The following RTN4 variants were observed in gnomAD, a reference collection of about 807,000 sequenced individuals.
RTN4 encodes reticulon-4.
In RTN4, 32 loss-of-function variants were observed where a neutral mutation model predicts 90.4. The ratio of observed to expected loss-of-function variants is 0.35; its 90% CI spans 0.27 to 0.48. The LOEUF (loss-of-function observed/expected upper bound fraction) is 0.48. Ranked by LOEUF, RTN4 falls within the 20% of genes least tolerant of loss-of-function variation. The pLI, the probability that RTN4 is intolerant of heterozygous loss-of-function variation, is 0.99. For synonymous variants in RTN4, 629 were observed against 552.5 expected, an observed-to-expected ratio of 1.14 and a Z score of -1.94; for missense variants, 1,706 against 1,430.2, an observed-to-expected ratio of 1.19 and a Z score of -3.11.
intron 1 of RTN4, among the ~76,000 whole-genome samples, chr2:55,100,216 G>C (rs1019132607): frequency 3.3e-5 from 5 of 152,062 alleles, no homozygotes; most frequent in African/African-American, 7.3e-5. Flanking sequence ...CAGAAGCCTG[G>C]CTAGGAGTGA....
At chr2:55,130,999 T>G in the RTN4 span, among the ~76,000 whole-genome samples, 2 of 152,186 alleles carry the variant, frequency 1.3e-5, no homozygotes, top group African/African-American at 2.4e-5. Context: ...GGCCCCCATC[T>G]GTCTTCAGTG....
At position 54,987,616 on chromosome 2, in the gene RTN4, T is replaced by C. The variant is rs200331222; in HGVS notation, c.3096A>G (p.Thr1032=). Residue 1032 remains threonine (T), a synonymous_variant, in exon 4 of 9, where the codon ACA becomes ACG. Coordinates refer to ENST00000337526, the MANE Select transcript of RTN4 (RefSeq NM_020532.5). ...CTGTTACGCTCACAATGCTGAATAC[T>C]GTCAATGAAAGCAGCAGGAATAGGC... is the stretch of plus-strand genomic sequence containing the variant. ...GASLFLLLSL[T]VFSIVSVTAY... 1.4e-5 allele frequency: 22 copies of C among 1,614,172 alleles called. No homozygotes were observed. Among genetic ancestry groups the C allele is most frequent in the Middle Eastern group, 1.6e-4 (1 of 6,062 alleles).
At chr2:55,111,273 G>T (rs1472379998) in intron 1 of RTN4, among the ~76,000 whole-genome samples, 2 of 151,860 alleles carry the variant, frequency 1.3e-5, no homozygotes, top group Non-Finnish European at 2.9e-5. Flanking sequence ...ACTCTTCCGA[G>T]ATTTTAAAAA....
rs1386964328 is a variant in RTN4, at chr2:55,026,492, G to A, written c.1607C>T (p.Thr536Ile). Reference protein sequence around the residue: ...ETDYVTTDNLTKVTEEVVANM... With the variant: ...ETDYVTTDNLIKVTEEVVANM... Reference sequence around the variant, plus strand: ...TGCCACGACTTCCTCAGTCACCTTTGTTAAATTATCTGTTGTGACATAATC... The same window carrying A: ...TGCCACGACTTCCTCAGTCACCTTTATTAAATTATCTGTTGTGACATAATC... The change falls in exon 3 of 9, where the codon ACA (threonine) becomes ATA (isoleucine). Residue 536 changes from threonine to isoleucine, a missense_variant. Transcript: ENST00000337526. The A allele has an allele frequency of 6.2e-7, 1 of 1,613,750 alleles. No individual in the cohort carries two copies. Among genetic ancestry groups the A allele is most frequent in the Non-Finnish European group, 8.5e-7 (1 of 1,179,892 alleles).
chr2:55,091,373 A>G (rs962456721), intron 1 of RTN4, among the ~76,000 whole-genome samples: 5 of 152,076 alleles, frequency 3.3e-5, no homozygotes, highest in South Asian at 2.1e-4. Context: ...GCCTCCGTAC[A>G]TGCTATTTTT....
At chr2:55,067,561 T>C (rs540485063) in intron 2 of RTN4, among the ~76,000 whole-genome samples, 2 of 152,216 alleles carry the variant, frequency 1.3e-5, no homozygotes, top group Non-Finnish European at 2.9e-5. Flanking sequence ...TACAGGCATA[T>C]GCCACCACAC....
At chr2:55,114,554 A>G (rs1254510251), upstream of RTN4, among the ~76,000 whole-genome samples, 1 of 152,132 alleles carries the variant, frequency 6.6e-6, no homozygotes, top group East Asian at 1.9e-4. Flanking sequence ...CAAAAATTAG[A>G]TGAGCGTGGT....
intron 4 of RTN4, among the ~76,000 whole-genome samples, chr2:54,983,695 G>A (rs1678327558): frequency 6.6e-6 from 1 of 152,100 alleles, no homozygotes; most frequent in Non-Finnish European, 1.5e-5. Context: ...ACCAATCTCT[G>A]ATCTGCCTGC....
intron 3 of RTN4, among the ~76,000 whole-genome samples, chr2:55,017,885 A>G (rs988417343): frequency 1.3e-5 from 2 of 152,210 alleles, no homozygotes; most frequent in Admixed American, 6.5e-5. Flanking sequence ...GATATATGAT[A>G]AAAGCAGTAG....
chr2:55,019,466 C>T (rs941370825), intron 3 of RTN4, among the ~76,000 whole-genome samples: 21 of 152,124 alleles, frequency 1.4e-4, no homozygotes, highest in African/African-American at 3.4e-4. Context: ...CTTGCCCAGA[C>T]GGTCAAAATT....
intron 3 of RTN4, among the ~76,000 whole-genome samples, chr2:55,006,391 C>T (rs1272091162): frequency 2.0e-5 from 3 of 151,966 alleles, no homozygotes; most frequent in Non-Finnish European, 4.4e-5. Flanking sequence ...TTTGGCCTTC[C>T]CGAGTAAGGC....
Position 55,021,342 on chromosome 2 carries a change from G to C in RTN4, c.3013+3744C>G, listed in dbSNP as rs114320625. On this transcript the variant is annotated intron_variant, in intron 3 of 8. Transcript: ENST00000337526. Reference sequence around the variant, plus strand: ...AACAGTGTGTCTGTACCAGCTGGCTGTAAGTTGCATAAAGCGCAAAACTTT... The same window carrying C: ...AACAGTGTGTCTGTACCAGCTGGCTCTAAGTTGCATAAAGCGCAAAACTTT... 3.7e-3 allele frequency among the ~76,000 whole-genome samples: 563 copies of C among 151,944 alleles called. 1 individual carries two copies. Among genetic ancestry groups the C allele is most frequent in the Non-Finnish European group, 6.5e-3 (443 of 68,000 alleles).
intron 3 of RTN4, among the ~76,000 whole-genome samples, chr2:55,004,011 A>T (rs539043481): frequency 6.6e-6 from 1 of 152,270 alleles, no homozygotes; most frequent in East Asian, 1.9e-4. Flanking sequence ...AAATTTAAGA[A>T]TTCTATTCTC....
chr2:55,103,548 T>C (rs1429686653), intron 1 of RTN4, among the ~76,000 whole-genome samples: 4 of 151,966 alleles, frequency 2.6e-5, no homozygotes, highest in Admixed American at 2.6e-4. Flanking sequence ...TAGGAGGTGA[T>C]GAATATATTT....
the RTN4 span, among the ~76,000 whole-genome samples, chr2:55,123,342 C>A: frequency 6.6e-6 from 1 of 152,070 alleles, no homozygotes. Flanking sequence ...ATCATCAACT[C>A]TAAATGTACT....
intron 3 of RTN4, among the ~76,000 whole-genome samples, chr2:55,022,804 G>A (rs988441861): frequency 2.0e-5 from 3 of 151,642 alleles, no homozygotes; most frequent in African/African-American, 2.4e-5. Flanking sequence ...ATCTTAATCT[G>A]ACTACACAGT....
chr2:54,994,101 A>G (rs1679233230), intron 3 of RTN4, among the ~76,000 whole-genome samples: 1 of 152,264 alleles, frequency 6.6e-6, no homozygotes, highest in Non-Finnish European at 1.5e-5. Flanking sequence ...ATGATTCTCA[A>G]TAGGAGGAAT....
chr2:55,103,182 G>C (rs1667884801), intron 1 of RTN4, among the ~76,000 whole-genome samples: 2 of 151,330 alleles, frequency 1.3e-5, no homozygotes, highest in Non-Finnish European at 2.9e-5. Flanking sequence ...GTTTTAAAAG[G>C]ATGCACCTGG....
intron 1 of RTN4, among the ~76,000 whole-genome samples, chr2:55,111,415 T>C (rs1208783604): frequency 2.0e-5 from 3 of 152,238 alleles, no homozygotes; most frequent in African/African-American, 4.8e-5. Flanking sequence ...TCTCATCCCA[T>C]AGTGAGATAA....
Sources: gnomAD v4.1 joint callset for allele counts (sites outside exome capture counted in the v4.1 genomes callset) on GRCh38, gnomAD v4.1.1 for gene constraint, MANE v1.5 for transcripts, NCBI Gene and HGNC (gene_info 2026-07-23, HGNC 2026-07-21) for gene names.